Variants in AGMO observed in about 807,000 individuals in gnomAD.
AGMO encodes glyceryl-ether monooxygenase.
A neutral mutation model predicts 60.2 loss-of-function variants in AGMO; 75 were observed. That is an observed-to-expected ratio of 1.25 (90% CI 1.03 to 1.51). The LOEUF (loss-of-function observed/expected upper bound fraction) is 1.51, where lower values mean the gene tolerates loss of function less well. Among genes scored for constraint, AGMO ranks in the 40% most tolerant of loss-of-function variants. AGMO has a pLI of 0.00. For missense variants in AGMO, 763 were observed against 525.5 expected (o/e 1.45, Z -4.42); for synonymous variants, 261 against 177.1 (o/e 1.47, Z -3.76).
rs1402723880 is a variant in AGMO at position 15,248,214 on chromosome 7, A to ATATATATATATATATATATATATG, written c.1264-46856_1264-46855insCATATATATATATATATATATATA. 1.3e-3 allele frequency among the ~76,000 whole-genome samples: 92 copies of ATATATATATATATATATATATATG among 71,152 alleles called. 17 individuals are homozygous for ATATATATATATATATATATATATG. Among genetic ancestry groups the ATATATATATATATATATATATATG allele is most frequent in the Non-Finnish European group, 2.3e-3 (76 of 33,614 alleles). 46.7% of individuals were successfully genotyped at this position (71,152 alleles called of 152,430 possible). The stretch of plus-strand genomic sequence containing the variant: ...TATATATATATATATATATATATAT[A>ATATATATATATATATATATATATG]TATATATATATCTTCATCTTCAATT... On this transcript the variant is annotated intron_variant, in intron 12 of 12. Transcript: ENST00000342526.
chr7:15,374,250 G>C (rs1783351116), intron 10 of AGMO, among the ~76,000 whole-genome samples: 1 of 151,894 alleles, frequency 6.6e-6, no homozygotes, highest in Non-Finnish European at 1.5e-5. Flanking sequence ...TACTTTTTCA[G>C]AACTCCCTAG....
intron 12 of AGMO, among the ~76,000 whole-genome samples, chr7:15,323,627 G>C (rs774434709): frequency 6.6e-6 from 1 of 152,088 alleles, no homozygotes; most frequent in Admixed American, 6.6e-5. Flanking sequence ...AAAATAACGC[G>C]CTGATTCTCA....
chr7:15,165,451 G>A, the AGMO span, among the ~76,000 whole-genome samples: 1 of 152,088 alleles, frequency 6.6e-6, no homozygotes, highest in African/African-American at 2.4e-5. Context: ...CAGAGTTTGA[G>A]GGTAACTTAA....
intron 10 of AGMO, among the ~76,000 whole-genome samples, chr7:15,378,118 T>C (rs562487390): frequency 4.6e-5 from 7 of 152,146 alleles, no homozygotes; most frequent in East Asian, 1.9e-4. Context: ...CTGCATTTGC[T>C]TCACAAAATG....
At chr7:15,427,140 C>G (rs774709729) in intron 4 of AGMO, among the ~76,000 whole-genome samples, 7 of 152,080 alleles carry the variant, frequency 4.6e-5, no homozygotes, top group Non-Finnish European at 1.0e-4. Flanking sequence ...ATTTGTTGCT[C>G]TTTATAATAC....
chr7:15,224,546 G>C (rs1421911648), intron 12 of AGMO, among the ~76,000 whole-genome samples: 10 of 151,946 alleles, frequency 6.6e-5, no homozygotes, highest in Non-Finnish European at 1.0e-4. Context: ...CCAGCCCCCA[G>C]AACCATGAGA....
intron 2 of AGMO, among the ~76,000 whole-genome samples, chr7:15,555,477 T>C (rs993987544): frequency 1.3e-5 from 2 of 151,818 alleles, no homozygotes; most frequent in Non-Finnish European, 2.9e-5. Flanking sequence ...TAGTGGAATA[T>C]TGATTTTTGC....
At chr7:15,525,244 G>T (rs1784094485) in intron 3 of AGMO, among the ~76,000 whole-genome samples, 1 of 152,070 alleles carries the variant, frequency 6.6e-6, no homozygotes, top group Admixed American at 6.6e-5. Flanking sequence ...GTGGGCCCCT[G>T]GTGAAACCCG....
At chr7:15,509,884 C>A (rs908737213) in intron 3 of AGMO, among the ~76,000 whole-genome samples, 2 of 151,976 alleles carry the variant, frequency 1.3e-5, no homozygotes, top group African/African-American at 2.4e-5. Context: ...GTTAGGATGG[C>A]CAGTATATAT....
intron 12 of AGMO, among the ~76,000 whole-genome samples, chr7:15,335,887 C>T (rs774303427): frequency 6.6e-6 from 1 of 152,104 alleles, no homozygotes; most frequent in Non-Finnish European, 1.5e-5. Flanking sequence ...ATAGATCACA[C>T]TAAACCAAAT....
chr7:15,462,212 C>T (rs529862109), intron 3 of AGMO, among the ~76,000 whole-genome samples: 24 of 152,156 alleles, frequency 1.6e-4, no homozygotes, highest in African/African-American at 5.5e-4. Context: ...CCCCGGTACC[C>T]TAAAGTATGC....
chr7:15,547,991 C>T (rs1166532090), intron 2 of AGMO, among the ~76,000 whole-genome samples: 1 of 146,882 alleles, frequency 6.8e-6, no homozygotes, highest in East Asian at 1.9e-4. Flanking sequence ...ACTGCCTCCT[C>T]AAGTGGGTCC....
At position 15,354,502 on chromosome 7, in the gene AGMO, A is replaced by ACACG. The variant is rs1201404672; in HGVS notation, c.1263+11011_1263+11012insCGTG. Among the ~76,000 whole-genome samples, 49 of 21,138 alleles carry ACACG rather than the reference A, an allele frequency of 2.3e-3. 6 individuals carry two copies. Among genetic ancestry groups the ACACG allele is most frequent in the Middle Eastern group, 0.029 (1 of 34 alleles). 13.9% of individuals were successfully genotyped at this position (21,138 alleles called of 152,430 possible). A position where few individuals can be genotyped will look rare whatever the true frequency, so the allele number is the denominator to read the frequency against. Reference sequence around the variant, plus strand: ...CGTGTGTATATACACACGTGTATATATATATATATATATATATATATATAT... The same window carrying ACACG: ...CGTGTGTATATACACACGTGTATATACACGTATATATATATATATATATATATAT... On this transcript the variant is annotated intron_variant, in intron 12 of 12. Coordinates refer to ENST00000342526, the MANE Select transcript of AGMO (RefSeq NM_001004320.2).
Position 15,247,457 on chromosome 7 carries a change from C to CAGAGAG in AGMO, c.1264-46099_1264-46098insCTCTCT, listed in dbSNP as rs1264615405. The stretch of plus-strand genomic sequence containing the variant: ...ACACACACACACACACACACACACA[C>CAGAGAG]ACAGAGAGAGAGAGAGAGAGAGGGA... On this transcript the variant is annotated intron_variant, in intron 12 of 12. Coordinates refer to ENST00000342526, the MANE Select transcript of AGMO (RefSeq NM_001004320.2). Among the ~76,000 whole-genome samples, 422 of 119,422 alleles carry CAGAGAG rather than the reference C, an allele frequency of 3.5e-3. 1 individual carries two copies. Among genetic ancestry groups the CAGAGAG allele is most frequent in the African/African-American group, 0.014 (401 of 28,882 alleles). The allele number at this position is 119,422 out of a possible 152,430, so 78.3% of individuals were successfully genotyped here.
intron 9 of AGMO, among the ~76,000 whole-genome samples, chr7:15,386,351 T>C (rs968577857): frequency 6.6e-6 from 1 of 152,214 alleles, no homozygotes; most frequent in Non-Finnish European, 1.5e-5. Context: ...CCCAAAATGC[T>C]ACACATCTAT....
At chr7:15,239,459 T>G (rs1030113562) in intron 12 of AGMO, among the ~76,000 whole-genome samples, 5 of 152,076 alleles carry the variant, frequency 3.3e-5, no homozygotes, top group Non-Finnish European at 7.4e-5. Flanking sequence ...ATGGAATAAT[T>G]AAGTCATGTT....
At chr7:15,124,944 C>T in the AGMO span, among the ~76,000 whole-genome samples, 1 of 151,756 alleles carries the variant, frequency 6.6e-6, no homozygotes, top group African/African-American at 2.4e-5. Context: ...AGAGGGGGGA[C>T]ACAGAAATCA....
At chr7:15,143,546 A>C in the AGMO span, among the ~76,000 whole-genome samples, 1 of 152,226 alleles carries the variant, frequency 6.6e-6, no homozygotes, top group Non-Finnish European at 1.5e-5. Flanking sequence ...TTCAGACAAT[A>C]ATAAGTAAAT....
the AGMO span, among the ~76,000 whole-genome samples, chr7:15,172,987 G>T: frequency 1.3e-5 from 2 of 151,930 alleles, no homozygotes; most frequent in African/African-American, 4.8e-5. Flanking sequence ...CAAATAACTA[G>T]GTCTCATTAC....
Sources: allele counts gnomAD v4.1 joint callset (sites outside exome capture counted in the v4.1 genomes callset), GRCh38; gene constraint gnomAD v4.1.1; transcripts MANE v1.5; gene names NCBI Gene and HGNC (gene_info 2026-07-23, HGNC 2026-07-21).